CDYL: variants seen among roughly 807,000 people sequenced by gnomAD.
CDYL encodes the protein chromodomain Y like.
Under a neutral mutation model 47.3 loss-of-function variants are expected in CDYL, and 8 were observed. The ratio of observed to expected loss-of-function variants is 0.17; its 90% CI spans 0.10 to 0.31. The LOEUF is 0.31. Among genes scored for constraint, CDYL ranks in the 10% least tolerant of loss-of-function variants. The pLI is 1.00. For missense variants in CDYL, 471 were observed against 701.4 expected (o/e 0.67, Z 3.71); for synonymous variants, 266 against 265.0 (o/e 1.00, Z -0.04).
chr6:4,725,875 T>A (rs11242977), intron 2 of CDYL, among the ~76,000 whole-genome samples: 1 of 152,266 alleles, frequency 6.6e-6, no homozygotes, highest in South Asian at 2.1e-4. Context: ...CTCACTCTTA[T>A]CAAAGGTGAG....
intron 1 of CDYL, among the ~76,000 whole-genome samples, chr6:4,814,383 A>G (rs1419203320): frequency 6.6e-6 from 1 of 152,200 alleles, no homozygotes; most frequent in Non-Finnish European, 1.5e-5. Flanking sequence ...CTGAACAGGT[A>G]TTTTACTGTT....
At chr6:4,918,749 G>A (rs1467178043) in intron 2 of CDYL, among the ~76,000 whole-genome samples, 2 of 152,150 alleles carry the variant, frequency 1.3e-5, no homozygotes, top group Non-Finnish European at 2.9e-5. Context: ...TAAAATGCTG[G>A]TTGTAGGGAT....
chr6:4,944,607 A>G (rs1196013720), intron 5 of CDYL, among the ~76,000 whole-genome samples: 2 of 152,194 alleles, frequency 1.3e-5, no homozygotes, highest in Non-Finnish European at 2.9e-5. Flanking sequence ...CATTCAGATC[A>G]TTGATGCACC....
intron 2 of CDYL, 102 bp downstream of exon 2, chr6:4,892,481 A>C: frequency 2.5e-5 from 31 of 1,223,338 alleles, no homozygotes; most frequent in Non-Finnish European, 3.2e-5. Flanking sequence ...GGGGCTTCTC[A>C]CGGCATCTGC....
intron 1 of CDYL, among the ~76,000 whole-genome samples, chr6:4,817,416 T>C (rs894403722): frequency 7.3e-5 from 11 of 150,910 alleles, no homozygotes; most frequent in African/African-American, 2.5e-4. Context: ...CAGAGCCAGC[T>C]ACTCACTCCC....
intron 1 of CDYL, among the ~76,000 whole-genome samples, chr6:4,796,511 C>G (rs1183887467): frequency 1.3e-5 from 2 of 152,056 alleles, no homozygotes; most frequent in Non-Finnish European, 2.9e-5. Flanking sequence ...TTAACTGGCA[C>G]AAATGAGTTG....
intron 3 of CDYL, among the ~76,000 whole-genome samples, chr6:4,746,520 A>T (rs1216051561): frequency 6.6e-6 from 1 of 152,174 alleles, no homozygotes; most frequent in Admixed American, 6.5e-5. Context: ...AGTAATGAAG[A>T]GACCGGAATG....
chr6:4,842,317 G>A lies in CDYL; in HGVS notation c.25-49396G>A, dbSNP rs559292589. On this transcript the variant is annotated intron_variant, in intron 1 of 6. Coordinates refer to ENST00000397588, the MANE Select transcript of CDYL (RefSeq NM_004824.4). ...ATAAGTTACAGTCCATTGTTTCTTC[G>A]TTGACTTTCTGTCTTGATGACCTGT... 1.8e-3 allele frequency among the ~76,000 whole-genome samples: 261 copies of A among 148,364 alleles called. 1 individual carries two copies. Among genetic ancestry groups the A allele is most frequent in the African/African-American group, 5.7e-3 (232 of 40,444 alleles).
upstream of CDYL, chr6:4,773,179 G>T (rs1426768529): frequency 2.2e-6 from 1 of 457,278 alleles, no homozygotes; most frequent in African/African-American, 2.0e-5. This position sits in a 1 kb window ranked among gnomAD's most constrained non-coding sequence, Gnocchi z 4.6. Flanking sequence ...AGCAGGTCAG[G>T]TAAGAATCGT....
At chr6:4,827,443 A>G (rs1273536214) in intron 1 of CDYL, among the ~76,000 whole-genome samples, 1 of 151,908 alleles carries the variant, frequency 6.6e-6, no homozygotes, top group Non-Finnish European at 1.5e-5. Flanking sequence ...TTCCTTTTGA[A>G]TATATAGCTT....
At chr6:4,755,191 G>C (rs1402000680) in intron 3 of CDYL, among the ~76,000 whole-genome samples, 1 of 151,378 alleles carries the variant, frequency 6.6e-6, no homozygotes, top group Non-Finnish European at 1.5e-5. Flanking sequence ...TCCCAAAGTA[G>C]CTGGGATTAC....
At chr6:4,932,935 C>A (rs74407430) in intron 2 of CDYL, among the ~76,000 whole-genome samples, 3,233 of 152,278 alleles carry the variant, frequency 0.021, 112 homozygotes, top group African/African-American at 0.073. Flanking sequence ...CCACTCTTCA[C>A]GCCATAGTGA....
chr6:4,925,218 A>T (rs895970618), intron 2 of CDYL, among the ~76,000 whole-genome samples: 9 of 152,156 alleles, frequency 5.9e-5, no homozygotes, highest in Non-Finnish European at 1.0e-4. Flanking sequence ...CATTCGCAGT[A>T]TACTCAGATC....
intron 1 of CDYL, among the ~76,000 whole-genome samples, chr6:4,777,053 G>A (rs1758483627): frequency 6.7e-6 from 1 of 149,506 alleles, no homozygotes; most frequent in Admixed American, 6.6e-5. Context: ...GTGGGGAAGT[G>A]GTGCTGACAC....
chr6:4,776,738 G>GCCCCCCC lies in CDYL; in HGVS notation c.-43_-42insCCCCCCC. The GCCCCCCC allele has an allele frequency of 9.6e-6, 12 of 1,250,230 alleles. No homozygotes were observed. The highest frequency in any genetic ancestry group is 1.2e-5 in the Non-Finnish European group (12 of 969,222). 77.4% of individuals were successfully genotyped at this position (1,250,230 alleles called of 1,614,324 possible). On this transcript the variant is annotated 5_prime_UTR_variant, in exon 1 of 7. Coordinates refer to ENST00000397588, the MANE Select transcript of CDYL (RefSeq NM_004824.4). Reference sequence around the variant, plus strand: ...AAAGTGTCGGCCGCCCGGCGCCGGCGCCCGCCCCGACCCTGCCCCTCCCGC... The same window carrying GCCCCCCC: ...AAAGTGTCGGCCGCCCGGCGCCGGCGCCCCCCCCCCGCCCCGACCCTGCCCCTCCCGC...
chr6:4,946,594 G>A (rs1758523285), intron 5 of CDYL, among the ~76,000 whole-genome samples: 1 of 152,182 alleles, frequency 6.6e-6, no homozygotes, highest in Admixed American at 6.5e-5. Flanking sequence ...TGACGCAGGG[G>A]TCTAGGCTGC....
intron 1 of CDYL, among the ~76,000 whole-genome samples, chr6:4,825,174 T>A (rs1371957315): frequency 6.6e-6 from 1 of 152,160 alleles, no homozygotes; most frequent in Non-Finnish European, 1.5e-5. Context: ...CCCCACTAGC[T>A]GTTGGAATTT....
rs535506359 is a variant in CDYL, at chr6:4,724,035, T to C, written c.103+8154T>C. 2.8e-3 allele frequency among the ~76,000 whole-genome samples: 420 copies of C among 152,270 alleles called. 4 individuals are homozygous for C. The highest frequency in any genetic ancestry group is 8.2e-3 in the African/African-American group (342 of 41,534). On this transcript the variant is annotated intron_variant, in intron 2 of 8. Coordinates refer to the CDYL transcript ENST00000328908. ...TGTGCTAGTTTGAGTCCTGCATCTG[T>C]CCCCTCACTTTTTGTGCGCGTTTGA...
At chr6:4,804,598 C>T (rs1454567570) in intron 1 of CDYL, among the ~76,000 whole-genome samples, 2 of 152,164 alleles carry the variant, frequency 1.3e-5, no homozygotes, top group Non-Finnish European at 1.5e-5. Context: ...TCATCACTCT[C>T]GCCCCACTGC....
Sources: allele counts gnomAD v4.1 joint callset (sites outside exome capture counted in the v4.1 genomes callset), GRCh38; gene constraint gnomAD v4.1.1; non-coding constraint Gnocchi (gnomAD v3.1); transcripts MANE v1.5; gene names NCBI Gene and HGNC (gene_info 2026-07-23, HGNC 2026-07-21).